EXD2: variants seen among roughly 807,000 people sequenced by gnomAD.
EXD2 encodes exonuclease 3'-5' domain containing 2.
In EXD2, 40 loss-of-function variants were observed where a neutral mutation model predicts 62.5. The ratio of observed to expected loss-of-function variants is 0.64; its 90% confidence interval spans 0.50 to 0.83. The LOEUF (loss-of-function observed/expected upper bound fraction) is 0.83, where lower values mean the gene tolerates loss of function less well. EXD2 is among the 40% of genes least tolerant of loss of function. The pLI, the probability that EXD2 is intolerant of heterozygous loss-of-function variation, is 0.00. For missense variants in EXD2, 671 were observed against 761.8 expected (o/e 0.88, Z 1.40); for synonymous variants, 239 against 291.9 (o/e 0.82, Z 1.85).
intron 1 of EXD2, among the ~76,000 whole-genome samples, chr14:69,202,486 T>G (rs1361767757): frequency 3.9e-5 from 6 of 152,236 alleles, no homozygotes; most frequent in East Asian, 1.9e-4. Context: ...CTTTGCAACT[T>G]GTTCATTACG....
rs368981193 is a variant in EXD2, at chr14:69,215,873, A to G, written c.333+6070A>G. On this transcript the variant is annotated intron_variant, in intron 3 of 9. Coordinates refer to ENST00000685843, the MANE Select transcript of EXD2 (RefSeq NM_001193360.2). ...AGTTGTCTTTATAGAAGTTCTTTACATATTCTGCATATGAACCCTCCGGGA... is the reference window on the plus strand; with the variant it reads ...AGTTGTCTTTATAGAAGTTCTTTACGTATTCTGCATATGAACCCTCCGGGA... 2.7e-4 allele frequency among the ~76,000 whole-genome samples: 41 copies of G among 150,208 alleles called. No homozygotes were observed. In the East Asian group the frequency reaches 6.7e-3, roughly 24 times the overall value.
intron 3 of EXD2, chr14:69,228,107 T>C (rs1459672413): frequency 6.6e-6 from 1 of 151,628 alleles, no homozygotes; most frequent in Non-Finnish European, 1.5e-5. Context: ...GTTACCTGCG[T>C]GTACATTAGA....
At chr14:69,193,388 T>C (rs1415195545) in intron 1 of EXD2, among the ~76,000 whole-genome samples, 3 of 152,178 alleles carry the variant, frequency 2.0e-5, no homozygotes, top group Non-Finnish European at 4.4e-5. Flanking sequence ...TTTAATGGTA[T>C]CGATCTTTTT....
At chr14:69,200,492 A>C (rs1424515286) in intron 1 of EXD2, among the ~76,000 whole-genome samples, 4 of 151,300 alleles carry the variant, frequency 2.6e-5, no homozygotes, top group Non-Finnish European at 5.9e-5. Context: ...GCTTGAGCTC[A>C]CGAATCTGAG....
intron 3 of EXD2, among the ~76,000 whole-genome samples, chr14:69,223,857 T>C (rs572113634): frequency 1.3e-5 from 2 of 152,106 alleles, no homozygotes; most frequent in Admixed American, 6.5e-5. Context: ...TGCCCTGCTA[T>C]AAAGAAATAG....
chr14:69,219,401 A>C (rs2043095561), intron 3 of EXD2, among the ~76,000 whole-genome samples: 2 of 152,142 alleles, frequency 1.3e-5, no homozygotes, highest in African/African-American at 4.8e-5. Context: ...CTGTTGATGA[A>C]CACTTAGGTT....
intron 9 of EXD2, 135 bp downstream of exon 9, chr14:69,238,066 TA>T: frequency 9.8e-6 from 7 of 715,964 alleles, no homozygotes; most frequent in Non-Finnish European, 2.3e-6. Context: ...AGGTGTCTAG[TA>T]GTTTAAGATA....
At chr14:69,207,442 C>T (rs1010548496) in intron 2 of EXD2, among the ~76,000 whole-genome samples, 7 of 152,120 alleles carry the variant, frequency 4.6e-5, no homozygotes, top group East Asian at 1.9e-4. Flanking sequence ...TGCAGTGAGC[C>T]GAGATCATGC....
At chr14:69,222,766 T>C (rs1025816925) in intron 3 of EXD2, among the ~76,000 whole-genome samples, 1 of 152,216 alleles carries the variant, frequency 6.6e-6, no homozygotes, top group African/African-American at 2.4e-5. Context: ...TCATGTTTTC[T>C]TTAAACATAA....
At chr14:69,195,038 G>GA (rs2042155941) in intron 1 of EXD2, among the ~76,000 whole-genome samples, 1 of 152,074 alleles carries the variant, frequency 6.6e-6, no homozygotes, top group Admixed American at 6.5e-5. Context: ...CCAACATGGT[G>GA]AAACCCAGTC....
At chr14:69,203,457 G>A (rs1020328010) in intron 1 of EXD2, among the ~76,000 whole-genome samples, 2 of 152,174 alleles carry the variant, frequency 1.3e-5, no homozygotes, top group Non-Finnish European at 2.9e-5. Flanking sequence ...GCCTTGGCCA[G>A]GAGAGTCTAT....
chr14:69,234,607 C>A (rs2043703626), intron 5 of EXD2, 93 bp from the exon 6 acceptor site: 1 of 1,034,464 alleles, frequency 9.7e-7, no homozygotes, highest in Non-Finnish European at 1.4e-6. Flanking sequence ...GAATTAGGAT[C>A]CTAAGAGTTA....
chr14:69,230,273 G>T (rs539139039), intron 4 of EXD2, among the ~76,000 whole-genome samples, 199 bp from the exon 5 acceptor site: 3 of 152,300 alleles, frequency 2.0e-5, no homozygotes, highest in South Asian at 4.1e-4. Context: ...CACAGGGTTG[G>T]TGTGAGTATT....
chr14:69,215,344 A>G (rs937069620), intron 3 of EXD2, among the ~76,000 whole-genome samples: 1 of 149,710 alleles, frequency 6.7e-6, no homozygotes, highest in Admixed American at 6.6e-5. Flanking sequence ...ATAATACAAT[A>G]TATCATTTAC....
At chr14:69,198,783 T>C (rs2042292865) in intron 1 of EXD2, among the ~76,000 whole-genome samples, 1 of 152,232 alleles carries the variant, frequency 6.6e-6, no homozygotes. Context: ...CTAGATGGAA[T>C]AGCTGACTAC....
At position 69,241,948 on chromosome 14, in the gene EXD2, A is replaced by G. The variant is rs1445509096; in HGVS notation, c.*848A>G. ...CTTTCTGAGAGTAATGTTATCTTTT[A>G]TCAGAATCAGTATCAGTTCCCCTGT... On this transcript the variant is annotated 3_prime_UTR_variant, in exon 10 of 10. Coordinates refer to ENST00000685843, the MANE Select transcript of EXD2 (RefSeq NM_001193360.2). The G allele has an allele frequency of 1.0e-5, 4 of 398,652 alleles. No homozygotes were observed. The highest frequency in any genetic ancestry group is 1.8e-5 in the Non-Finnish European group (4 of 226,070). The allele number at this position is 398,652 out of a possible 1,614,324, so 24.7% of individuals were successfully genotyped here.
chr14:69,221,486 C>T (rs947459856), intron 3 of EXD2, among the ~76,000 whole-genome samples: 2 of 151,982 alleles, frequency 1.3e-5, no homozygotes, highest in Non-Finnish European at 2.9e-5. Flanking sequence ...TGGCATAAAC[C>T]AAGTGTAGTG....
rs568278424 is a variant in EXD2, at chr14:69,234,676, C to T, written c.718-24C>T. Reference sequence around the variant, plus strand: ...TCTCTGGTTTGCCTTCCAGATTCCACTGATCTCTGACTTTTCTCTTCAGGT... The same window carrying T: ...TCTCTGGTTTGCCTTCCAGATTCCATTGATCTCTGACTTTTCTCTTCAGGT... On this transcript the variant is annotated intron_variant, in intron 5 of 9. Coordinates refer to ENST00000685843, the MANE Select transcript of EXD2 (RefSeq NM_001193360.2). 5.1e-6 allele frequency: 8 copies of T among 1,577,460 alleles called. No individual in the cohort carries two copies. In the South Asian group the frequency reaches 9.4e-5, roughly 19 times the overall value.
intron 3 of EXD2, among the ~76,000 whole-genome samples, chr14:69,221,449 A>G (rs1392071867): frequency 1.3e-5 from 2 of 151,962 alleles, no homozygotes; most frequent in Non-Finnish European, 1.5e-5. Flanking sequence ...TCATCTAAAT[A>G]TGTTATCTTT....
Sources: gnomAD v4.1 joint callset for allele counts (sites outside exome capture counted in the v4.1 genomes callset) on GRCh38, gnomAD v4.1.1 for gene constraint, MANE v1.5 for transcripts, NCBI Gene and HGNC (gene_info 2026-07-23, HGNC 2026-07-21) for gene names.